LOXL2: variants seen among roughly 807,000 people sequenced by gnomAD.
LOXL2 encodes the protein lysyl oxidase homolog 2.
LOXL2 carries 70 observed loss-of-function variants against 93.0 expected under a neutral mutation model. The ratio of observed to expected loss-of-function variants is 0.75; its 90% CI spans 0.62 to 0.92. The LOEUF is 0.92. LOXL2 is among the 40% of genes least tolerant of loss of function. The pLI is 0.00. For synonymous variants in LOXL2, 438 were observed against 413.2 expected (o/e 1.06, Z -0.73); for missense variants, 973 against 1,054.9 (o/e 0.92, Z 1.08).
intron 2 of LOXL2, among the ~76,000 whole-genome samples, chr8:23,361,854 CAAAA>C (rs1804296445): frequency 1.9e-5 from 2 of 102,802 alleles, no homozygotes; most frequent in East Asian, 2.2e-4. Context: ...CAAAACAAAA[CAAAA>C]CAAAACAAAC....
rs550284084 is a variant in LOXL2 at position 23,334,236 on chromosome 8, G to A, written c.744-613C>T. On this transcript the variant is annotated intron_variant, in intron 4 of 13. Transcript: ENST00000389131. ...GTATTTTTAGTAGAGACGGGGTTTC[G>A]CCATGTTGGCCAGGATGGTCTCAAA... is the stretch of plus-strand genomic sequence containing the variant. Among the ~76,000 whole-genome samples, 29 of 152,210 alleles carry A rather than the reference G, an allele frequency of 1.9e-4. No homozygotes were observed. The South Asian group carries it at 3.9e-3, about 21-fold the overall frequency.
intron 10 of LOXL2, among the ~76,000 whole-genome samples, chr8:23,308,988 A>ATT (rs1187484092): frequency 4.0e-4 from 55 of 139,134 alleles, no homozygotes; most frequent in African/African-American, 8.2e-4. Context: ...ATATATATAT[A>ATT]TATTTTTTTT....
At chr8:23,344,951 T>A (rs967862681) in intron 3 of LOXL2, among the ~76,000 whole-genome samples, 1 of 152,212 alleles carries the variant, frequency 6.6e-6, no homozygotes, top group Non-Finnish European at 1.5e-5. Context: ...CTTGCTGGGC[T>A]TCCTCCTTAC....
In LOXL2 at chr8:23,368,230, G is replaced by A. The variant is rs766374923; in HGVS notation, c.122C>T (p.Ala41Val). The part of the protein sequence containing the change: ...PHYPEYFQQP[A>V]PEYHQPQAPA... Reference sequence around the variant, plus strand: ...GGCCTGGGGCTGGTGATACTCAGGAGCCGGTTGCTGGAAGTACTCGGGGTA... The same window carrying A: ...GGCCTGGGGCTGGTGATACTCAGGAACCGGTTGCTGGAAGTACTCGGGGTA... The change falls in exon 2 of 14, where the codon GCT becomes GTT. Residue 41 changes from alanine (A) to valine (V), a missense_variant. Ala to Val is a moderately conservative substitution (Grantham distance 64). Coordinates refer to ENST00000389131, the MANE Select transcript of LOXL2 (RefSeq NM_002318.3). The A allele has an allele frequency of 1.2e-6, 2 of 1,614,028 alleles. No individual in the cohort carries two copies. Among genetic ancestry groups the A allele is most frequent in the South Asian group, 1.1e-5 (1 of 91,088 alleles).
At chr8:23,344,310 T>G (rs1803932844) in intron 3 of LOXL2, among the ~76,000 whole-genome samples, 2 of 151,806 alleles carry the variant, frequency 1.3e-5, no homozygotes, top group Non-Finnish European at 3.0e-5. Flanking sequence ...ATTATCCTCA[T>G]TCTTCCACCG....
At chr8:23,326,032 A>C (rs1362222967) in intron 6 of LOXL2, among the ~76,000 whole-genome samples, 1 of 152,240 alleles carries the variant, frequency 6.6e-6, no homozygotes, top group Non-Finnish European at 1.5e-5. Context: ...CCCGACTCAC[A>C]GTCATTGCCC....
chr8:23,386,258 T>C (rs1804758216), intron 1 of LOXL2, among the ~76,000 whole-genome samples: 1 of 152,214 alleles, frequency 6.6e-6, no homozygotes, highest in Non-Finnish European at 1.5e-5. Context: ...CCGGGCGTGG[T>C]AGCACACACC....
intron 3 of LOXL2, among the ~76,000 whole-genome samples, chr8:23,346,757 A>G (rs1803995770): frequency 6.6e-6 from 1 of 152,220 alleles, no homozygotes; most frequent in Non-Finnish European, 1.5e-5. Flanking sequence ...ACGTTGTCTT[A>G]GCTCAGTGGT....
At chr8:23,339,563 G>A (rs553089003) in intron 4 of LOXL2, among the ~76,000 whole-genome samples, 4 of 152,340 alleles carry the variant, frequency 2.6e-5, no homozygotes, top group African/African-American at 7.2e-5. Context: ...ATCTGAACAA[G>A]GCGCGTGCTG....
chr8:23,347,875 A>C (rs1386302221), intron 3 of LOXL2, among the ~76,000 whole-genome samples: 1 of 152,180 alleles, frequency 6.6e-6, no homozygotes. Context: ...AAGGATTATA[A>C]ATCATGCTAC....
chr8:23,364,704 T>TAGTG (rs1424162774), intron 2 of LOXL2: 1 of 151,976 alleles, frequency 6.6e-6, no homozygotes, highest in Non-Finnish European at 1.5e-5. Context: ...CAGCTGGGCC[T>TAGTG]AGTGGCGCAC....
chr8:23,386,957 A>C (rs1275993272), intron 1 of LOXL2, among the ~76,000 whole-genome samples: 1 of 152,134 alleles, frequency 6.6e-6, no homozygotes, highest in African/African-American at 2.4e-5. Context: ...CCCACCTTGG[A>C]GAGTATCCTG....
chr8:23,341,408 G>A (rs1803881497), intron 3 of LOXL2: 2 of 594,028 alleles, frequency 3.4e-6, no homozygotes, highest in Non-Finnish European at 6.0e-6. Context: ...GGGAGATAGT[G>A]AGGCTGAAAG....
chr8:23,394,164 G>A (rs921201339), intron 1 of LOXL2, among the ~76,000 whole-genome samples: 2 of 152,062 alleles, frequency 1.3e-5, no homozygotes, highest in African/African-American at 2.4e-5. Context: ...AGGCCGAGGT[G>A]GGCGGATCAC....
At chr8:23,342,494 C>G (rs112555441) in intron 3 of LOXL2, among the ~76,000 whole-genome samples, 194 of 149,532 alleles carry the variant, frequency 1.3e-3, no homozygotes, top group African/African-American at 3.9e-3. Context: ...TACAGTGGCG[C>G]GATCTCGGCT....
At chr8:23,383,145 C>T (rs1319328589) in intron 1 of LOXL2, among the ~76,000 whole-genome samples, 1 of 152,136 alleles carries the variant, frequency 6.6e-6, no homozygotes, top group East Asian at 1.9e-4. Context: ...ATCGTGTGGG[C>T]CCTCTTGCCT....
intron 1 of LOXL2, among the ~76,000 whole-genome samples, chr8:23,372,604 G>A (rs1275717449): frequency 1.3e-5 from 2 of 152,180 alleles, no homozygotes; most frequent in Admixed American, 6.5e-5. Flanking sequence ...ATTAACCAGA[G>A]GGAAACTTGT....
In LOXL2 at chr8:23,346,082, A is replaced by C. The variant is rs571796914; in HGVS notation, c.532-4879T>G. ...GACTCCGTCTCAAAAATAAAATAAA[A>C]TAATAAAATAAAATAAAATAAAATA... On this transcript the variant is annotated intron_variant, in intron 3 of 13. Transcript: ENST00000389131. 7.5e-4 allele frequency among the ~76,000 whole-genome samples: 107 copies of C among 142,258 alleles called. 1 individual carries two copies. Among genetic ancestry groups the C allele is most frequent in the African/African-American group, 2.8e-3 (105 of 37,598 alleles). 93.3% of individuals were successfully genotyped at this position (142,258 alleles called of 152,430 possible).
At chr8:23,402,070 GCACA>G (rs898003206) in intron 1 of LOXL2, among the ~76,000 whole-genome samples, 4 of 150,870 alleles carry the variant, frequency 2.7e-5, no homozygotes, top group African/African-American at 7.3e-5. Flanking sequence ...GCACAAACGC[GCACA>G]CACACATACA....
Sources: gnomAD v4.1 joint callset for allele counts (sites outside exome capture counted in the v4.1 genomes callset) on GRCh38, gnomAD v4.1.1 for gene constraint, MANE v1.5 for transcripts, NCBI Gene and HGNC (gene_info 2026-07-23, HGNC 2026-07-21) for gene names.